OPRPN: variants seen among roughly 807,000 people sequenced by gnomAD.
The protein encoded by OPRPN is basic proline-rich lacrimal protein.
A neutral mutation model predicts 2.2 loss-of-function variants in OPRPN; 1 was observed. The ratio of observed to expected loss-of-function variants is 0.45; its 90% CI spans 0.16 to 2.15. The LOEUF (loss-of-function observed/expected upper bound fraction) is 2.15, where lower values mean the gene tolerates loss of function less well. OPRPN is among the 30% of genes most tolerant of loss of function. The probability of loss-of-function intolerance (pLI) is 0.28; values close to 1 mark genes in which losing one functional copy is unlikely to be tolerated. For missense variants in OPRPN, 306 were observed against 297.3 expected, an observed-to-expected ratio of 1.03 and a Z score of -0.21; for synonymous variants, 126 against 111.5, an observed-to-expected ratio of 1.13 and a Z score of -0.82.
At chr4:70,403,563 T>C (rs764140363) in intron 2 of OPRPN, among the ~76,000 whole-genome samples, 5 of 152,218 alleles carry the variant, frequency 3.3e-5, no homozygotes, top group African/African-American at 7.2e-5. Context: ...CATTGAAACA[T>C]GTTTGCATGT....
chr4:70,409,928 T>A lies in OPRPN; in HGVS notation c.600T>A (p.Ser200=), dbSNP rs1390672995. 6.8e-6 allele frequency: 11 copies of A among 1,613,916 alleles called. No individual in the cohort carries two copies. Among genetic ancestry groups the A allele is most frequent in the Non-Finnish European group, 6.8e-6 (8 of 1,179,982 alleles). Residue 200 remains serine, a synonymous_variant, in exon 3 of 3, where the codon TCT becomes TCA. Transcript: ENST00000399575. ...TATCAGCAGCAACCCCCGCAGCATC[T>A]ACTGAAAATACTACTCAAATTCTCG... ...TSISAATPAA[S]TENTTQILAN...
rs752809537 is a variant in OPRPN at position 70,409,671 on chromosome 4, G to C, written c.343G>C (p.Gly115Arg). 2 of 1,613,654 alleles carry C rather than the reference G, an allele frequency of 1.2e-6. No homozygotes were observed. Among genetic ancestry groups the C allele is most frequent in the Non-Finnish European group, 1.7e-6 (2 of 1,179,854 alleles). The change falls in exon 3 of 3, where the codon GGA becomes CGA. Residue 115 changes from glycine (G) to arginine (R), a missense_variant. By Grantham distance (125) the Gly-to-Arg change is moderately radical. Coordinates refer to ENST00000399575, the MANE Select transcript of OPRPN (RefSeq NM_021225.5). ...LHFPLRPYYVGPIRILKPPFP... is the reference protein window; with the variant it reads ...LHFPLRPYYVRPIRILKPPFP... ...TTTCCCACTAAGACCTTACTATGTA[G>C]GACCTATTAGGATATTAAAACCCCC... is the stretch of plus-strand genomic sequence containing the variant.
chr4:70,399,434 A>G, intron 2 of OPRPN, 98 bp downstream of exon 2: 2 of 1,000,682 alleles, frequency 2.0e-6, no homozygotes, highest in East Asian at 2.6e-5. Context: ...GTATATAAAA[A>G]TACAGTGTCA....
chr4:70,409,650 C>G lies in OPRPN; in HGVS notation c.322C>G (p.Pro108Ala). The change falls in exon 3 of 3, where the codon CCA (proline) becomes GCA (alanine). Residue 108 changes from proline (P) to alanine (A), a missense_variant. Coordinates refer to ENST00000399575, the MANE Select transcript of OPRPN (RefSeq NM_021225.5). ...TCCGGGTTATCCAAACCTACATTTC[C>G]CACTAAGACCTTACTATGTAGGACC... ...LFPGYPNLHFPLRPYYVGPIR... is the reference protein window; with the variant it reads ...LFPGYPNLHFALRPYYVGPIR... 1 of 1,614,036 alleles carries G rather than the reference C, an allele frequency of 6.2e-7. No homozygotes were observed. Among genetic ancestry groups the G allele is most frequent in the Non-Finnish European group, 8.5e-7 (1 of 1,179,926 alleles).
At chr4:70,401,554 A>G (rs988181) in intron 2 of OPRPN, among the ~76,000 whole-genome samples, 19,182 of 152,072 alleles carry the variant, frequency 0.13, 1,948 homozygotes, top group African/African-American at 0.28. Context: ...AAAACCCAGG[A>G]ACTATTTGGG....
At chr4:70,407,466 C>G (rs114477825) in intron 2 of OPRPN, among the ~76,000 whole-genome samples, 1 of 152,350 alleles carries the variant, frequency 6.6e-6, no homozygotes, top group Non-Finnish European at 1.5e-5. Context: ...ATCACTATGG[C>G]TCCCTCTGAA....
At position 70,410,152 on chromosome 4, in the gene OPRPN, A is replaced by G; in HGVS notation, c.*77A>G. 4 of 1,104,236 alleles carry G rather than the reference A, an allele frequency of 3.6e-6. No homozygotes were observed. Among genetic ancestry groups the G allele is most frequent in the Non-Finnish European group, 5.1e-6 (4 of 786,796 alleles). 68.4% of individuals were successfully genotyped at this position (1,104,236 alleles called of 1,614,324 possible). On this transcript the variant is annotated 3_prime_UTR_variant, in exon 3 of 3. Transcript: ENST00000399575. ...AACTGCAATGATTTTGATGGAACCA[A>G]CCCTGATCTAACCAGCACACTAAAT... is the stretch of plus-strand genomic sequence containing the variant.
At chr4:70,406,446 T>C (rs1330164469) in intron 2 of OPRPN, among the ~76,000 whole-genome samples, 1 of 152,226 alleles carries the variant, frequency 6.6e-6, no homozygotes, top group Non-Finnish European at 1.5e-5. Flanking sequence ...CAATAAAAGA[T>C]TTACAAAAGT....
At chr4:70,407,395 C>T (rs2109772186) in intron 2 of OPRPN, among the ~76,000 whole-genome samples, 1 of 152,222 alleles carries the variant, frequency 6.6e-6, no homozygotes, top group East Asian at 1.9e-4. Flanking sequence ...CAGGACAGTC[C>T]CTGGAAAGGG....
At position 70,410,172 on chromosome 4, in the gene OPRPN, C is replaced by CAAAA; in HGVS notation, c.*97_*98insAAAA. ...AACCAACCCTGATCTAACCAGCACA[C>CAAAA]TAAATAAAGTATTTGAGCAATAATA... On this transcript the variant is annotated 3_prime_UTR_variant, in exon 3 of 3. Coordinates refer to ENST00000399575, the MANE Select transcript of OPRPN (RefSeq NM_021225.5). 1 of 781,560 alleles carries CAAAA rather than the reference C, an allele frequency of 1.3e-6. No individual in the cohort carries two copies. The highest frequency in any genetic ancestry group is 1.9e-6 in the Non-Finnish European group (1 of 518,030). 48.4% of individuals were successfully genotyped at this position (781,560 alleles called of 1,614,324 possible).
At position 70,409,876 on chromosome 4, in the gene OPRPN, C is replaced by A. The variant is rs1733185235; in HGVS notation, c.548C>A (p.Ser183Tyr). Residue 183 changes from serine to tyrosine, a missense_variant, in exon 3 of 3, where the codon TCT becomes TAT. Physicochemically the swap from Ser to Tyr is moderately radical, Grantham distance 144. Coordinates refer to ENST00000399575, the MANE Select transcript of OPRPN (RefSeq NM_021225.5). Reference protein sequence around the residue: ...MTISSSTVPISSTPEPATSIS... With the variant: ...MTISSSTVPIYSTPEPATSIS... ...ATCAGCTCCTCAACAGTACCTATCT[C>A]TTCAACACCAGAGCCTGCCACCTCC... 22 of 1,613,798 alleles carry A rather than the reference C, an allele frequency of 1.4e-5. No individual in the cohort carries two copies. Among genetic ancestry groups the A allele is most frequent in the Non-Finnish European group, 1.9e-5 (22 of 1,179,858 alleles).
intron 2 of OPRPN, among the ~76,000 whole-genome samples, chr4:70,403,868 C>T (rs1304972103): frequency 6.6e-6 from 1 of 152,094 alleles, no homozygotes; most frequent in Admixed American, 6.6e-5. Context: ...CCATCCTCTC[C>T]CCTAAGCAAG....
At chr4:70,406,452 A>G (rs78033239) in intron 2 of OPRPN, among the ~76,000 whole-genome samples, 18,351 of 152,312 alleles carry the variant, frequency 0.12, 1,342 homozygotes, top group Middle Eastern at 0.21. Flanking sequence ...AAGATTTACA[A>G]AAGTAAAATT....
intron 2 of OPRPN, among the ~76,000 whole-genome samples, chr4:70,406,065 T>C (rs766473619): frequency 6.8e-6 from 1 of 146,864 alleles, no homozygotes; most frequent in Non-Finnish European, 1.5e-5. Flanking sequence ...ATGACCCCGT[T>C]TAAAAAAAAA....
chr4:70,399,250 T>C (rs540504579), intron 1 of OPRPN, 21 bp from the exon 2 acceptor site: 3 of 1,554,158 alleles, frequency 1.9e-6, no homozygotes, highest in Admixed American at 1.8e-5. Context: ...TAACTGTGGA[T>C]AATCTTTGGC....
Position 70,409,750 on chromosome 4 carries a change from A to G in OPRPN, c.422A>G (p.Glu141Gly), listed in dbSNP as rs748866342. ...ATTTACCTTCCTATCTCTAACCCTG[A>G]GCCCCAAATAAACATCACCACCGCA... Reference protein sequence around the residue: ...LAIYLPISNPEPQINITTADT... With the variant: ...LAIYLPISNPGPQINITTADT... The change falls in exon 3 of 3, where the codon GAG becomes GGG. Residue 141 changes from glutamate (E) to glycine (G), a missense_variant. Glu to Gly is a moderately conservative substitution (Grantham distance 98, BLOSUM62 -2). Transcript: ENST00000399575. 3.9e-5 allele frequency: 63 copies of G among 1,613,260 alleles called. No homozygotes were observed. The South Asian group carries it at 6.8e-4, about 17-fold the overall frequency.
At chr4:70,400,943 G>C (rs936513509) in intron 2 of OPRPN, among the ~76,000 whole-genome samples, 2 of 151,964 alleles carry the variant, frequency 1.3e-5, no homozygotes, top group African/African-American at 4.8e-5. Flanking sequence ...ATGAAATAGA[G>C]GTTGTTGACT....
intron 2 of OPRPN, among the ~76,000 whole-genome samples, chr4:70,403,545 TTA>T (rs1239753031): frequency 1.3e-5 from 2 of 152,218 alleles, no homozygotes; most frequent in Admixed American, 1.3e-4. Flanking sequence ...CAAAAAATAT[TTA>T]TGTTTCATTG....
At chr4:70,402,545 T>C (rs982344444) in intron 2 of OPRPN, among the ~76,000 whole-genome samples, 2 of 152,078 alleles carry the variant, frequency 1.3e-5, no homozygotes, top group African/African-American at 4.8e-5. Context: ...CTATTCTAGA[T>C]GTTGGGTAAA....
Sources: gnomAD v4.1 joint callset for allele counts (sites outside exome capture counted in the v4.1 genomes callset) on GRCh38, gnomAD v4.1.1 for gene constraint, MANE v1.5 for transcripts, NCBI Gene and HGNC (gene_info 2026-07-23, HGNC 2026-07-21) for gene names.